Variants in NAV3 observed in about 807,000 individuals in gnomAD.
NAV3 encodes the protein pore membrane and/or filament interacting like protein 1.
NAV3 carries 87 observed loss-of-function variants against 244.7 expected under a neutral mutation model. That is an observed-to-expected ratio of 0.36 (90% confidence interval 0.30 to 0.42). The LOEUF (loss-of-function observed/expected upper bound fraction) is 0.42, where lower values mean the gene tolerates loss of function less well. Among genes scored for constraint, NAV3 ranks in the 20% least tolerant of loss-of-function variants. NAV3 has a pLI of 1.00. For missense variants in NAV3, 2,663 were observed against 2,893.3 expected (o/e 0.92, Z 1.83); for synonymous variants, 1,126 against 1,042.2 (o/e 1.08, Z -1.55).
intron 5 of NAV3, among the ~76,000 whole-genome samples, chr12:77,969,453 C>A (rs1174227097): frequency 6.6e-6 from 1 of 152,052 alleles, no homozygotes; most frequent in African/African-American, 2.4e-5. Context: ...TGAAGGGCAG[C>A]CCAGCTGGAA....
In NAV3 at chr12:77,941,098, G is replaced by T. The variant is rs764027334; in HGVS notation, c.379G>T (p.Asp127Tyr). The stretch of plus-strand genomic sequence containing the variant: ...GGCTTTAGCAAATGAAAAAGTTGAA[G>T]ATATCAATGGATGTCCTAGAAGTCA... ...IQIIANEKVEDINGCPRSQSQ... is the reference protein window; with the variant it reads ...IQIIANEKVEYINGCPRSQSQ... Residue 127 changes from aspartate to tyrosine, a missense_variant, in exon 3 of 40, where the codon GAT becomes TAT. Physicochemically the swap from Asp to Tyr is radical, Grantham distance 160 (BLOSUM62 -3). Transcript: ENST00000397909. The T allele has an allele frequency of 1.3e-6, 2 of 1,579,436 alleles. No homozygotes were observed. The highest frequency in any genetic ancestry group is 1.7e-6 in the Non-Finnish European group (2 of 1,156,332).
At position 77,774,919 on chromosome 12, in the gene NAV3, T is replaced by C. The variant is rs1331671947; in HGVS notation, c.73-165400T>C. ...CCAAGGCTTCCATTTAGTATATTTC[T>C]GTATCATAGTGTCGTCCCATGAGGA... On this transcript the variant is annotated intron_variant, in intron 2 of 8. Transcript: ENST00000550042. 2.6e-5 allele frequency among the ~76,000 whole-genome samples: 4 copies of C among 152,236 alleles called. No homozygotes were observed. In the East Asian group the frequency reaches 7.7e-4, roughly 29 times the overall value.
intron 2 of NAV3, among the ~76,000 whole-genome samples, chr12:77,715,568 A>G (rs752184778): frequency 1.3e-5 from 2 of 152,054 alleles, no homozygotes; most frequent in Admixed American, 1.3e-4. Flanking sequence ...TTAAATTACT[A>G]GGATAAAGAT....
At chr12:77,789,615 G>A (rs1032327732) in intron 2 of NAV3, among the ~76,000 whole-genome samples, 4 of 151,588 alleles carry the variant, frequency 2.6e-5, no homozygotes, top group Non-Finnish European at 5.9e-5. Context: ...TTCAAGACCA[G>A]CCTGGCCAAC....
At chr12:77,895,807 G>T (rs1285487549) in intron 1 of NAV3, among the ~76,000 whole-genome samples, 1 of 142,934 alleles carries the variant, frequency 7.0e-6, no homozygotes, top group Non-Finnish European at 1.5e-5. Flanking sequence ...AAAATACACA[G>T]ATCTGATAAA....
intron 5 of NAV3, among the ~76,000 whole-genome samples, chr12:77,973,969 T>C (rs199975894): frequency 6.6e-6 from 1 of 151,532 alleles, no homozygotes; most frequent in East Asian, 1.9e-4. Flanking sequence ...TAGAGAGAAA[T>C]AATTGAAGAG....
intron 1 of NAV3, among the ~76,000 whole-genome samples, chr12:77,888,880 A>G (rs1004774821): frequency 1.3e-5 from 2 of 152,030 alleles, no homozygotes; most frequent in African/African-American, 2.4e-5. Context: ...TAACATACAT[A>G]CTCAGGGGGA....
chr12:77,986,466 C>A (rs564436918), intron 5 of NAV3, among the ~76,000 whole-genome samples: 3 of 152,132 alleles, frequency 2.0e-5, no homozygotes, highest in Non-Finnish European at 4.4e-5. Flanking sequence ...CCAACTTCCT[C>A]AGCTGAGATT....
chr12:77,667,918 A>G (rs1002091642), intron 2 of NAV3, among the ~76,000 whole-genome samples: 1 of 152,188 alleles, frequency 6.6e-6, no homozygotes, highest in South Asian at 2.1e-4. Flanking sequence ...TACCTCCACC[A>G]GAGCAGGTGC....
intron 12 of NAV3, among the ~76,000 whole-genome samples, chr12:78,087,902 A>G (rs1013235697): frequency 5.9e-5 from 9 of 151,880 alleles, no homozygotes; most frequent in Admixed American, 5.9e-4. Context: ...ATTAATATGA[A>G]CTATTATGTT....
At chr12:77,823,857 A>G (rs12300367) in intron 2 of NAV3, among the ~76,000 whole-genome samples, 23,262 of 152,210 alleles carry the variant, frequency 0.15, 3,997 homozygotes, top group African/African-American at 0.42. Context: ...ACTATTATAA[A>G]TATGCTCCAT....
intron 7 of NAV3, among the ~76,000 whole-genome samples, chr12:78,004,104 T>C (rs1873791059): frequency 6.6e-6 from 1 of 152,196 alleles, no homozygotes; most frequent in East Asian, 1.9e-4. Flanking sequence ...TGAGTTCCAA[T>C]TTAGATTTTG....
chr12:77,847,841 C>T (rs775294223), intron 1 of NAV3, among the ~76,000 whole-genome samples: 4 of 152,176 alleles, frequency 2.6e-5, no homozygotes, highest in Non-Finnish European at 5.9e-5. Flanking sequence ...CACTCTATCA[C>T]GATGTTGACC....
chr12:78,193,597 CTT>C (rs890342688), intron 34 of NAV3, among the ~76,000 whole-genome samples: 6 of 152,106 alleles, frequency 3.9e-5, no homozygotes, highest in African/African-American at 1.2e-4. Flanking sequence ...GGAAAAAAGA[CTT>C]TTAATGCCGG....
chr12:77,912,186 A>G (rs1389675594), intron 1 of NAV3, among the ~76,000 whole-genome samples: 1 of 152,132 alleles, frequency 6.6e-6, no homozygotes, highest in African/African-American at 2.4e-5. Flanking sequence ...CTTATTTGGA[A>G]ATGGGTCTTT....
chr12:77,937,925 A>C (rs780137090), intron 1 of NAV3, among the ~76,000 whole-genome samples: 6 of 152,188 alleles, frequency 3.9e-5, no homozygotes, highest in Non-Finnish European at 8.8e-5. Flanking sequence ...TAGTCCTGGC[A>C]CAATCCTATA....
At chr12:78,107,960 T>A (rs146809459) in intron 12 of NAV3, among the ~76,000 whole-genome samples, 166 of 152,244 alleles carry the variant, frequency 1.1e-3, no homozygotes, top group Non-Finnish European at 2.1e-3. Flanking sequence ...AAGCCTCACA[T>A]ATCAGTAATC....
At chr12:77,642,154 C>G (rs759895619) in intron 2 of NAV3, among the ~76,000 whole-genome samples, 4 of 152,058 alleles carry the variant, frequency 2.6e-5, no homozygotes, top group Non-Finnish European at 5.9e-5. Flanking sequence ...CCTGATATGG[C>G]CCCCTTCCAA....
At chr12:77,795,687 G>A (rs989803833) in intron 2 of NAV3, among the ~76,000 whole-genome samples, 3 of 152,118 alleles carry the variant, frequency 2.0e-5, no homozygotes, top group Non-Finnish European at 4.4e-5. Context: ...AATCTTCAAA[G>A]GGTAGGCTGA....
Sources: allele counts gnomAD v4.1 joint callset (sites outside exome capture counted in the v4.1 genomes callset), GRCh38; gene constraint gnomAD v4.1.1; transcripts MANE v1.5; gene names NCBI Gene and HGNC (gene_info 2026-07-23, HGNC 2026-07-21).